The following DSCAM variants were observed in gnomAD, a reference collection of about 807,000 sequenced individuals.
DSCAM encodes cell adhesion molecule DSCAM.
DSCAM carries 47 observed loss-of-function variants against 217.7 expected under a neutral mutation model. The ratio of observed to expected loss-of-function variants is 0.22; its 90% CI spans 0.17 to 0.28. DSCAM has a LOEUF of 0.28. Ranked by LOEUF, DSCAM falls within the 10% of genes least tolerant of loss-of-function variation. The pLI, the probability that DSCAM is intolerant of heterozygous loss-of-function variation, is 1.00. For missense variants in DSCAM, 2,080 were observed against 2,618.3 expected (o/e 0.79, Z 4.49); for synonymous variants, 1,056 against 1,015.3 (o/e 1.04, Z -0.76).
chr21:40,640,223 C>A (rs1260285828), intron 3 of DSCAM, among the ~76,000 whole-genome samples: 2 of 135,048 alleles, frequency 1.5e-5, no homozygotes, highest in East Asian at 2.2e-4. Context: ...TGAGGGGAGA[C>A]CTGGAGACAA....
chr21:40,368,399 A>C (rs914463390), intron 4 of DSCAM, among the ~76,000 whole-genome samples: 7 of 152,234 alleles, frequency 4.6e-5, no homozygotes, highest in African/African-American at 1.7e-4. Context: ...AAAAGAACAG[A>C]TAAAGAAACA....
chr21:40,741,487 A>G (rs948878735), intron 1 of DSCAM, among the ~76,000 whole-genome samples: 15 of 152,196 alleles, frequency 9.9e-5, no homozygotes, highest in African/African-American at 3.4e-4. Context: ...ATGGTTCCCC[A>G]TACCAACAAC....
intron 1 of DSCAM, among the ~76,000 whole-genome samples, chr21:40,749,790 C>T (rs986827695): frequency 8.5e-5 from 13 of 152,182 alleles, no homozygotes; most frequent in African/African-American, 2.9e-4. Context: ...TACTCCAGCG[C>T]TGTTCACAGA....
chr21:40,026,943 C>T (rs1416274162), intron 32 of DSCAM, among the ~76,000 whole-genome samples: 74 of 152,230 alleles, frequency 4.9e-4, no homozygotes, highest in African/African-American at 7.5e-4. Flanking sequence ...TTATTTTGCT[C>T]GTTAGTTGAT....
chr21:40,635,823 G>C (rs144040260), intron 3 of DSCAM, among the ~76,000 whole-genome samples: 1 of 151,864 alleles, frequency 6.6e-6, no homozygotes, highest in Admixed American at 6.6e-5. Flanking sequence ...TTTTGTAATC[G>C]CTCAGAACTG....
intron 3 of DSCAM, among the ~76,000 whole-genome samples, chr21:40,662,051 C>T (rs373765426): frequency 1.1e-4 from 16 of 151,992 alleles, no homozygotes; most frequent in Admixed American, 1.3e-4. Context: ...TGTGGCAGCC[C>T]GTGGGCATCA....
intron 5 of DSCAM, 49 bp from the exon 6 acceptor site, chr21:40,347,994 A>G (rs1163850285): frequency 6.4e-7 from 1 of 1,560,978 alleles, no homozygotes; most frequent in East Asian, 2.3e-5. Flanking sequence ...ACATCACTAG[A>G]TAGCATTTCG....
chr21:40,565,300 G>A (rs1235967244), intron 3 of DSCAM, among the ~76,000 whole-genome samples: 1 of 152,178 alleles, frequency 6.6e-6, no homozygotes, highest in Non-Finnish European at 1.5e-5. Flanking sequence ...TGAAGAGGAA[G>A]TTCTACTCTT....
intron 3 of DSCAM, among the ~76,000 whole-genome samples, chr21:40,369,586 T>C (rs1207916881): frequency 2.0e-5 from 3 of 152,170 alleles, no homozygotes; most frequent in East Asian, 1.9e-4. Context: ...AATTGGTATA[T>C]ACCGAACACA....
chr21:40,718,152 G>C (rs760100383), intron 1 of DSCAM, among the ~76,000 whole-genome samples: 20 of 152,202 alleles, frequency 1.3e-4, no homozygotes, highest in Non-Finnish European at 2.6e-4. Flanking sequence ...ATTACAAAGA[G>C]AGCCTACAAG....
At chr21:40,452,506 G>C (rs1408792863) in intron 3 of DSCAM, among the ~76,000 whole-genome samples, 1 of 151,964 alleles carries the variant, frequency 6.6e-6, no homozygotes, top group African/African-American at 2.4e-5. Context: ...TGAAAGTTTA[G>C]TTTCAACAGT....
chr21:40,063,680 G>A (rs756806368), intron 27 of DSCAM, among the ~76,000 whole-genome samples: 3 of 152,178 alleles, frequency 2.0e-5, no homozygotes, highest in African/African-American at 7.2e-5. Flanking sequence ...TCAATGAACA[G>A]AACTTTCCGG....
intron 1 of DSCAM, among the ~76,000 whole-genome samples, chr21:40,712,206 C>T (rs2090787393): frequency 1.3e-5 from 2 of 152,032 alleles, no homozygotes; most frequent in Admixed American, 1.3e-4. Flanking sequence ...TTTTGGGAAC[C>T]CATTGAATCT....
chr21:40,313,931 AAC>A (rs2074168294), intron 8 of DSCAM, among the ~76,000 whole-genome samples: 5 of 152,190 alleles, frequency 3.3e-5, no homozygotes, highest in Admixed American at 2.0e-4. Flanking sequence ...CAGTTTATTC[AAC>A]AATTGTAAGT....
At chr21:40,397,570 G>T (rs1601612144) in intron 3 of DSCAM, among the ~76,000 whole-genome samples, 1 of 152,140 alleles carries the variant, frequency 6.6e-6, no homozygotes, top group Admixed American at 6.5e-5. Context: ...AAATTACCCA[G>T]TCTCAGGTAT....
chr21:40,796,525 GT>G (rs2091693431), intron 1 of DSCAM, among the ~76,000 whole-genome samples: 1 of 152,180 alleles, frequency 6.6e-6, no homozygotes, highest in African/African-American at 2.4e-5. Flanking sequence ...TTTTATCCAT[GT>G]TACTATGCTG....
In DSCAM at chr21:40,167,341, C is replaced by T. The variant is rs1036497153; in HGVS notation, c.2948-53G>A. On this transcript the variant is annotated intron_variant, in intron 15 of 32. Transcript: ENST00000400454. ...GTTAGAGACGCTTTCCGGAGCAGAT[C>T]GAAGCCTACACAGCCAAAGGTGGTC... is the stretch of plus-strand genomic sequence containing the variant. 17 of 1,550,244 alleles carry T rather than the reference C, an allele frequency of 1.1e-5. No homozygotes were observed. The Admixed American group carries it at 1.3e-4, about 12-fold the overall frequency.
At chr21:40,681,497 T>TTA (rs2090400562) in intron 3 of DSCAM, among the ~76,000 whole-genome samples, 1 of 151,808 alleles carries the variant, frequency 6.6e-6, no homozygotes. Context: ...TGCTTTTTTT[T>TTA]TTTTTTTAAG....
At chr21:40,382,049 C>A (rs576907721) in intron 3 of DSCAM, among the ~76,000 whole-genome samples, 1 of 152,108 alleles carries the variant, frequency 6.6e-6, no homozygotes, top group African/African-American at 2.4e-5. Flanking sequence ...GTTTGAAGAG[C>A]CTTTTTCAAC....
Sources: gnomAD v4.1 joint callset for allele counts (sites outside exome capture counted in the v4.1 genomes callset) on GRCh38, gnomAD v4.1.1 for gene constraint, MANE v1.5 for transcripts, NCBI Gene and HGNC (gene_info 2026-07-23, HGNC 2026-07-21) for gene names.